Variants in HEATR5B observed in about 807,000 individuals in gnomAD.
HEATR5B encodes HEAT repeat-containing protein 5B.
A neutral mutation model predicts 224.1 loss-of-function variants in HEATR5B; 156 were observed. That is an observed-to-expected ratio of 0.70 (90% CI 0.61 to 0.80). The LOEUF is 0.80. Ranked by LOEUF, HEATR5B falls within the 30% of genes least tolerant of loss-of-function variation. The pLI is 0.00. For synonymous variants in HEATR5B, 1,027 were observed against 893.0 expected, an observed-to-expected ratio of 1.15 and a Z score of -2.68; for missense variants, 2,323 against 2,535.5, an observed-to-expected ratio of 0.92 and a Z score of 1.80.
intron 17 of HEATR5B, among the ~76,000 whole-genome samples, chr2:37,050,176 C>G (rs979037151): frequency 4.6e-5 from 7 of 152,094 alleles, no homozygotes; most frequent in African/African-American, 1.7e-4. Context: ...TACAGGCGCA[C>G]CTGGCCTCGC....
chr2:37,007,201 T>C lies in HEATR5B; in HGVS notation c.4626A>G (p.Thr1542=). Reference sequence around the variant, plus strand: ...CTGTAGACTCTGAGCACGTAAATCCTGTGCTATTTAACCAAAGTGCCACCG... The same window carrying C: ...CTGTAGACTCTGAGCACGTAAATCCCGTGCTATTTAACCAAAGTGCCACCG... ...LHAVALWLNS[T]GFTCSESTEA... The change falls in exon 29 of 36, where the codon ACA becomes ACG. Residue 1542 remains threonine, a synonymous_variant. Transcript: ENST00000233099. The C allele has an allele frequency of 6.2e-7, 1 of 1,614,134 alleles. No homozygotes were observed. The highest frequency in any genetic ancestry group is 1.1e-5 in the South Asian group (1 of 91,082).
In HEATR5B at chr2:37,047,742, A is replaced by G. The variant is rs1016098830; in HGVS notation, c.2696+1911T>C. ...GTGCAAATATACAAGACGGACCTGTAGCTATAGATGATTTTAGCATTTCAC... is the reference window on the plus strand; with the variant it reads ...GTGCAAATATACAAGACGGACCTGTGGCTATAGATGATTTTAGCATTTCAC... On this transcript the variant is annotated intron_variant, in intron 18 of 35. Coordinates refer to ENST00000233099, the MANE Select transcript of HEATR5B (RefSeq NM_019024.3). Among the ~76,000 whole-genome samples the G allele has an allele frequency of 1.3e-4, 20 of 152,358 alleles. No homozygotes were observed. The South Asian group carries it at 1.7e-3, about 13-fold the overall frequency.
At chr2:37,057,533 A>G in intron 14 of HEATR5B, 53 bp from the exon 15 acceptor site, 2 of 1,275,268 alleles carry the variant, frequency 1.6e-6, no homozygotes, top group South Asian at 1.4e-5. Flanking sequence ...TGTGAAAATT[A>G]TAATCATTGC....
At chr2:37,072,807 A>G in intron 5 of HEATR5B, among the ~76,000 whole-genome samples, 1 of 152,220 alleles carries the variant, frequency 6.6e-6, no homozygotes, top group East Asian at 1.9e-4. Context: ...GAGAGGTCAA[A>G]TCACTACAGA....
At chr2:37,038,604 T>G (rs1669665106) in intron 20 of HEATR5B, among the ~76,000 whole-genome samples, 1 of 152,212 alleles carries the variant, frequency 6.6e-6, no homozygotes. Context: ...CCCTGTGACA[T>G]TCACAGGAAG....
chr2:37,046,609 A>G (rs1670210291), intron 18 of HEATR5B, among the ~76,000 whole-genome samples: 1 of 150,574 alleles, frequency 6.6e-6, no homozygotes, highest in Non-Finnish European at 1.5e-5. Context: ...ACTGCACTCC[A>G]GCCTGGGCAG....
intron 27 of HEATR5B, 36 bp downstream of exon 27, chr2:37,013,805 T>C (rs1370496215): frequency 5.4e-6 from 8 of 1,481,302 alleles, no homozygotes; most frequent in Non-Finnish European, 7.2e-6. Context: ...GATGAAGAAA[T>C]GGGTCAAAAA....
At chr2:37,038,175 T>A in intron 20 of HEATR5B, 151 bp from the exon 21 acceptor site, 1 of 510,672 alleles carries the variant, frequency 2.0e-6, no homozygotes. Flanking sequence ...AGTCTCACTC[T>A]GTCGCCCAGG....
chr2:36,986,762 G>A (rs577614364), intron 35 of HEATR5B, among the ~76,000 whole-genome samples: 92 of 152,080 alleles, frequency 6.0e-4, no homozygotes, highest in Middle Eastern at 3.4e-3. Context: ...GATTACAGGC[G>A]CATACCACGA....
intron 33 of HEATR5B, among the ~76,000 whole-genome samples, chr2:36,991,125 C>A (rs902754646): frequency 1.3e-5 from 2 of 152,106 alleles, no homozygotes; most frequent in African/African-American, 4.8e-5. Context: ...ATATTTAATG[C>A]TAAATTATTA....
In HEATR5B at chr2:37,064,945, G is replaced by A. The variant is rs1173063112; in HGVS notation, c.1379C>T (p.Ala460Val). 1.4e-5 allele frequency: 22 copies of A among 1,614,124 alleles called. No individual in the cohort carries two copies. Among genetic ancestry groups the A allele is most frequent in the East Asian group, 2.2e-5 (1 of 44,882 alleles). ...ACACCATGCAGCAGCAAGTCGGGCA[G>A]CCATGCTTGGATGAAGCAGCACTGA... The part of the protein sequence containing the change: ...VTSVLLHPSM[A>V]ARLAAAWCLR... The change falls in exon 10 of 36, where the codon GCT becomes GTT. Residue 460 changes from alanine to valine, a missense_variant. Ala to Val is a moderately conservative substitution (Grantham distance 64, BLOSUM62 0). Around this residue, in one of 12 missense-constraint regions of HEATR5B, gnomAD observed 502 missense variants for 517.8 expected, o/e 0.97. Coordinates refer to ENST00000233099, the MANE Select transcript of HEATR5B (RefSeq NM_019024.3).
At chr2:37,010,264 C>A (rs1262749674) in intron 27 of HEATR5B, among the ~76,000 whole-genome samples, 2 of 152,114 alleles carry the variant, frequency 1.3e-5, no homozygotes, top group Non-Finnish European at 2.9e-5. Flanking sequence ...TGTCTTCCCT[C>A]CACAGTGTTA....
intron 19 of HEATR5B, among the ~76,000 whole-genome samples, chr2:37,040,787 C>A (rs2287107): frequency 6.6e-6 from 1 of 151,354 alleles, no homozygotes; most frequent in Non-Finnish European, 1.5e-5. Flanking sequence ...CCAGGACCTA[C>A]GTTGGGGTAT....
chr2:37,032,844 G>T, intron 21 of HEATR5B, 71 bp from the exon 22 acceptor site: 3 of 1,265,172 alleles, frequency 2.4e-6, no homozygotes, highest in Non-Finnish European at 3.3e-6. Flanking sequence ...TTTGCCCAAT[G>T]AATATATATA....
In HEATR5B at chr2:37,065,869, C is replaced by T. The variant is rs139684659; in HGVS notation, c.1219G>A (p.Ala407Thr). 9.7e-5 allele frequency: 156 copies of T among 1,613,376 alleles called. No individual in the cohort carries two copies. In the African/African-American group the frequency reaches 1.6e-3, roughly 16 times the overall value. Reference protein sequence around the residue: ...NDTSGENKSGAADIAASQHVM... With the variant: ...NDTSGENKSGTADIAASQHVM... ...TGCTGGCTTGCTGCAATGTCTGCTGCGCCAGATTTGTTTTCTCCACTTGTG... is the reference window on the plus strand; with the variant it reads ...TGCTGGCTTGCTGCAATGTCTGCTGTGCCAGATTTGTTTTCTCCACTTGTG... The change falls in exon 9 of 36, where the codon GCA (alanine) becomes ACA (threonine). Residue 407 changes from alanine to threonine, a missense_variant. Transcript: ENST00000233099.
chr2:37,010,993 G>T (rs1667750867), intron 27 of HEATR5B, among the ~76,000 whole-genome samples: 1 of 151,776 alleles, frequency 6.6e-6, no homozygotes, highest in African/African-American at 2.4e-5. Flanking sequence ...GTAAAAAGGT[G>T]CTTAAGAGAA....
At chr2:37,003,472 G>C (rs2148380400) in intron 31 of HEATR5B, 70 bp downstream of exon 31, 1 of 1,111,392 alleles carries the variant, frequency 9.0e-7, no homozygotes, top group East Asian at 2.5e-5. Flanking sequence ...ATATGTCCTG[G>C]CGTTAATATT....
intron 32 of HEATR5B, among the ~76,000 whole-genome samples, chr2:37,001,882 G>GA (rs1667113561): frequency 6.6e-6 from 1 of 152,160 alleles, no homozygotes; most frequent in South Asian, 2.1e-4. Flanking sequence ...GGTCAGGCTG[G>GA]TCAGGAACTC....
intron 26 of HEATR5B, 119 bp downstream of exon 26, chr2:37,019,690 C>G (rs1310283227): frequency 1.5e-6 from 1 of 645,328 alleles, no homozygotes; most frequent in Non-Finnish European, 2.7e-6. Context: ...CTCCTGAATT[C>G]AAGCGATCCT....
Sources: gnomAD v4.1 joint callset for allele counts (sites outside exome capture counted in the v4.1 genomes callset) on GRCh38, gnomAD v4.1.1 for gene constraint, gnomAD v4.1.1 regional missense constraint, MANE v1.5 for transcripts, NCBI Gene and HGNC (gene_info 2026-07-23, HGNC 2026-07-21) for gene names.